MCU: variants seen among roughly 807,000 people sequenced by gnomAD.
MCU encodes the protein mitochondrial calcium uniporter, also known as calcium uniporter protein, mitochondrial.
In MCU, 12 loss-of-function variants were observed where a neutral mutation model predicts 45.2. That is an observed-to-expected ratio of 0.27 (90% CI 0.17 to 0.43). The LOEUF is 0.43. MCU is among the 20% of genes least tolerant of loss of function. The probability of loss-of-function intolerance (pLI) is 1.00; values close to 1 mark genes in which losing one functional copy is unlikely to be tolerated. For synonymous variants in MCU, 160 were observed against 165.1 expected, an observed-to-expected ratio of 0.97 and a Z score of 0.24; for missense variants, 324 against 436.7, an observed-to-expected ratio of 0.74 and a Z score of 2.30.
At chr10:72,759,855 G>A (rs1312361359) in intron 1 of MCU, among the ~76,000 whole-genome samples, 1 of 152,100 alleles carries the variant, frequency 6.6e-6, no homozygotes, top group Admixed American at 6.6e-5. Context: ...AATACAGTGT[G>A]AAGGTAGCTG....
chr10:72,867,072 T>C, intron 4 of MCU, among the ~76,000 whole-genome samples: 1 of 149,718 alleles, frequency 6.7e-6, no homozygotes, highest in South Asian at 2.2e-4. Context: ...GATACCCAGC[T>C]AGGTGTTGTA....
chr10:72,733,699 A>T (rs1010907), intron 1 of MCU, among the ~76,000 whole-genome samples: 46,612 of 98,336 alleles, frequency 0.47, 8,422 homozygotes, highest in Non-Finnish European at 0.55. Context: ...ATATATATAT[A>T]TATATTTTTT....
At chr10:72,718,597 A>G (rs891390044) in intron 1 of MCU, among the ~76,000 whole-genome samples, 13 of 152,222 alleles carry the variant, frequency 8.5e-5, no homozygotes, top group Non-Finnish European at 1.6e-4. Flanking sequence ...CAAAAGTTGA[A>G]CACATGCATG....
At chr10:72,880,704 A>C (rs1348096546) in intron 6 of MCU, among the ~76,000 whole-genome samples, 1 of 152,258 alleles carries the variant, frequency 6.6e-6, no homozygotes. Context: ...AAACTGGGTA[A>C]GAGGATTTGC....
chr10:72,802,984 G>T (rs1284692220), intron 1 of MCU, among the ~76,000 whole-genome samples: 1 of 152,052 alleles, frequency 6.6e-6, no homozygotes, highest in African/African-American at 2.4e-5. Flanking sequence ...CTTATTTCAC[G>T]TATTACTCAT....
At chr10:72,841,560 A>C (rs1361854246) in intron 2 of MCU, among the ~76,000 whole-genome samples, 3 of 152,132 alleles carry the variant, frequency 2.0e-5, no homozygotes, top group Non-Finnish European at 4.4e-5. Flanking sequence ...AGCCTCCCAA[A>C]GTTCTGGGAT....
chr10:72,830,943 A>G (rs1844869333), intron 1 of MCU, among the ~76,000 whole-genome samples: 1 of 152,224 alleles, frequency 6.6e-6, no homozygotes, highest in Admixed American at 6.5e-5. Flanking sequence ...TCCTCAAGGA[A>G]AGATTAATTT....
intron 1 of MCU, among the ~76,000 whole-genome samples, chr10:72,709,010 TA>T (rs969039224): frequency 7.5e-4 from 109 of 145,464 alleles, no homozygotes; most frequent in African/African-American, 1.6e-3. Context: ...ACCCTATCTC[TA>T]AAAAAAAAAA....
intron 1 of MCU, among the ~76,000 whole-genome samples, chr10:72,713,871 G>T (rs1244231747): frequency 6.6e-6 from 1 of 151,550 alleles, no homozygotes; most frequent in African/African-American, 2.4e-5. Context: ...TTTCTTCATT[G>T]TTTGTTAGGG....
At chr10:72,875,143 A>G (rs1432741249) in intron 6 of MCU, among the ~76,000 whole-genome samples, 1 of 152,186 alleles carries the variant, frequency 6.6e-6, no homozygotes, top group African/African-American at 2.4e-5. Flanking sequence ...AAGGAATTGA[A>G]TCCAGATTTG....
intron 1 of MCU, among the ~76,000 whole-genome samples, chr10:72,808,808 A>G (rs1564563338): frequency 6.6e-6 from 1 of 152,168 alleles, no homozygotes; most frequent in East Asian, 1.9e-4. Flanking sequence ...GGGAAGTGCT[A>G]CACACTTTTA....
chr10:72,726,085 A>C (rs998760822), intron 1 of MCU, among the ~76,000 whole-genome samples: 1 of 151,958 alleles, frequency 6.6e-6, no homozygotes, highest in Non-Finnish European at 1.5e-5. Context: ...TATATATTTT[A>C]AGATAGGATC....
chr10:72,771,808 C>T (rs991743609), intron 1 of MCU, among the ~76,000 whole-genome samples: 1 of 152,116 alleles, frequency 6.6e-6, no homozygotes, highest in Non-Finnish European at 1.5e-5. Flanking sequence ...TGTCCTAATG[C>T]TCTCCCTCCC....
At chr10:72,785,222 A>T in intron 1 of MCU, among the ~76,000 whole-genome samples, 1 of 152,192 alleles carries the variant, frequency 6.6e-6, no homozygotes, top group East Asian at 1.9e-4. Flanking sequence ...TTTTCTAATA[A>T]CCTTGGTGTC....
At chr10:72,856,582 A>C (rs936711444) in intron 2 of MCU, among the ~76,000 whole-genome samples, 9 of 152,050 alleles carry the variant, frequency 5.9e-5, no homozygotes, top group African/African-American at 2.2e-4. Flanking sequence ...ATTAGTAGGG[A>C]TATAAATCCT....
chr10:72,703,905 C>T (rs1368683270), intron 1 of MCU, among the ~76,000 whole-genome samples: 1 of 151,938 alleles, frequency 6.6e-6, no homozygotes, highest in Non-Finnish European at 1.5e-5. Context: ...ACAACAACAA[C>T]AACAACAACA....
At chr10:72,812,401 T>C (rs1391216464) in intron 1 of MCU, among the ~76,000 whole-genome samples, 3 of 152,126 alleles carry the variant, frequency 2.0e-5, no homozygotes, top group Admixed American at 6.5e-5. Flanking sequence ...CCGCCTCGGC[T>C]TCCCAAAGTG....
chr10:72,739,421 T>C (rs1843295253), intron 1 of MCU, among the ~76,000 whole-genome samples: 1 of 152,208 alleles, frequency 6.6e-6, no homozygotes, highest in South Asian at 2.1e-4. Context: ...AAAGTCAGAC[T>C]ATATATGTGC....
At chr10:72,726,254 CACGTGTGTGTGT>C (rs1843099722) in intron 1 of MCU, among the ~76,000 whole-genome samples, 1 of 77,072 alleles carries the variant, frequency 1.3e-5, no homozygotes, top group Admixed American at 1.1e-4. Flanking sequence ...CACACACACA[CACGTGTGTGTGT>C]GTGTGTGTGT....
Sources: allele counts gnomAD v4.1 joint callset (sites outside exome capture counted in the v4.1 genomes callset), GRCh38; gene constraint gnomAD v4.1.1; transcripts MANE v1.5; gene names NCBI Gene and HGNC (gene_info 2026-07-23, HGNC 2026-07-21).